ASPA: variants seen among roughly 807,000 people sequenced by gnomAD.
The protein encoded by ASPA is aspartoacylase.
A neutral mutation model predicts 29.6 loss-of-function variants in ASPA; 25 were observed. The observed-to-expected ratio is 0.85, with a 90% CI of 0.62 to 1.18. The LOEUF (loss-of-function observed/expected upper bound fraction) is 1.18, where lower values mean the gene tolerates loss of function less well. Ranked by LOEUF, ASPA falls within the 50% of genes most tolerant of loss-of-function variation. The pLI is 0.00. For synonymous variants in ASPA, 131 were observed against 130.3 expected, an observed-to-expected ratio of 1.01 and a Z score of -0.04; for missense variants, 333 against 385.7, an observed-to-expected ratio of 0.86 and a Z score of 1.14.
chr17:3,490,144 C>T lies in ASPA; in HGVS notation c.634+802C>T, dbSNP rs1314013159. On this transcript the variant is annotated intron_variant, in intron 4 of 5. Coordinates refer to ENST00000263080, the MANE Select transcript of ASPA (RefSeq NM_000049.4). The surrounding 1 kb of genome is among the most constrained non-coding windows in gnomAD (Gnocchi z 4.6). ...ACAGGGAAAGTCCTAGAAGAAAACA[C>T]ACCAAACTGATAACAATAGTTACCG... 6.6e-6 allele frequency among the ~76,000 whole-genome samples: 1 copy of T among 152,148 alleles called. No individual in the cohort carries two copies. The highest frequency in any genetic ancestry group is 2.4e-5 in the African/African-American group (1 of 41,424).
At chr17:3,494,562 T>C in intron 5 of ASPA, 103 bp downstream of exon 5, 2 of 948,678 alleles carry the variant, frequency 2.1e-6, no homozygotes, top group Non-Finnish European at 3.4e-6. Flanking sequence ...GCCCATTTGA[T>C]GCTCTCATTA....
chr17:3,496,813 TC>T (rs1360741832), intron 5 of ASPA, among the ~76,000 whole-genome samples: 2 of 152,190 alleles, frequency 1.3e-5, no homozygotes, highest in African/African-American at 4.8e-5. Context: ...ACGCCTGTAA[TC>T]CCAGCGCTTT....
intron 1 of ASPA, among the ~76,000 whole-genome samples, chr17:3,481,007 C>T (rs1219666493): frequency 6.6e-6 from 1 of 152,048 alleles, no homozygotes; most frequent in Non-Finnish European, 1.5e-5. Context: ...GTAGTTTCAG[C>T]AGCTACTCAG....
At position 3,500,796 on chromosome 17, in the gene ASPA, G is replaced by A. The variant is rs12943687; in HGVS notation, c.*1708G>A. 0.17 allele frequency: 26,426 copies of A among 152,246 alleles called. 2,573 individuals carry two copies. Among genetic ancestry groups the A allele is most frequent in the Middle Eastern group, 0.3 (89 of 294 alleles). The allele number at this position is 152,246 out of a possible 1,614,324, so 9.4% of individuals were successfully genotyped here. ...TGGGATTACAGGCATGAGCCACCAC[G>A]CCCGGCCCAAAAATCGTAGGACTCT... On this transcript the variant is annotated 3_prime_UTR_variant, in exon 6 of 6. Coordinates refer to ENST00000263080, the MANE Select transcript of ASPA (RefSeq NM_000049.4).
chr17:3,489,341 A>G lies in ASPA; in HGVS notation c.633A>G (p.Glu211=), dbSNP rs764104886. 1 of 1,591,454 alleles carries G rather than the reference A, an allele frequency of 6.3e-7. No individual in the cohort carries two copies. The highest frequency in any genetic ancestry group is 8.6e-7 in the Non-Finnish European group (1 of 1,159,626). Residue 211 remains glutamate, a splice_region_variant and synonymous_variant, in exon 4 of 6, where the codon GAA becomes GAG. Coordinates refer to ENST00000263080, the MANE Select transcript of ASPA (RefSeq NM_000049.4). ...TTGATTTTATACATCATTTCAATGA[A>G]GGTAAGTAATAATGAAGGTAACGTT... The part of the protein sequence containing the change: ...HALDFIHHFN[E]GKEFPPCAIE...
chr17:3,476,439 A>G lies in ASPA; in HGVS notation c.236+44A>G, dbSNP rs574201807. The G allele has an allele frequency of 5.1e-5, 81 of 1,574,564 alleles. No homozygotes were observed. The South Asian group carries it at 6.8e-4, about 13-fold the overall frequency. On this transcript the variant is annotated intron_variant, in intron 1 of 5. Coordinates refer to ENST00000263080, the MANE Select transcript of ASPA (RefSeq NM_000049.4). ...TTGTATATGTATGTATGTTGTGTGA[A>G]AAGTGGTAGGTGTGTGAAAGAGAAC...
At chr17:3,475,498 A>C (rs1003523953), upstream of ASPA, 24 of 152,400 alleles carry the variant, frequency 1.6e-4, no homozygotes, top group African/African-American at 5.3e-4. Context: ...GGGATGTTTC[A>C]GGGTAGCTTT....
At chr17:3,492,085 C>A in intron 4 of ASPA, among the ~76,000 whole-genome samples, 1 of 152,046 alleles carries the variant, frequency 6.6e-6, no homozygotes, top group East Asian at 1.9e-4. Flanking sequence ...CCACGTTGCC[C>A]AGGCTGGTCT....
Position 3,503,018 on chromosome 17 carries a change from T to A in ASPA, c.*3930T>A, listed in dbSNP as rs555586728. ...GCCCAAACCCCTTGCCTCCCATGAT[T>A]CTTCTCCTCAAAGGACCTTCTGCTG... On this transcript the variant is annotated 3_prime_UTR_variant, in exon 6 of 6. Transcript: ENST00000263080. The A allele has an allele frequency of 1.3e-5, 2 of 152,344 alleles. No homozygotes were observed. The highest frequency in any genetic ancestry group is 4.1e-4 in the South Asian group (2 of 4,824). 9.4% of individuals were successfully genotyped at this position (152,344 alleles called of 1,614,324 possible). A position where few individuals can be genotyped will look rare whatever the true frequency, so the allele number is the denominator to read the frequency against.
chr17:3,495,183 G>A (rs941502004), intron 5 of ASPA, among the ~76,000 whole-genome samples: 4 of 152,198 alleles, frequency 2.6e-5, no homozygotes, highest in African/African-American at 9.6e-5. Flanking sequence ...CAAAGCCAAA[G>A]TATCCATTCC....
intron 4 of ASPA, among the ~76,000 whole-genome samples, chr17:3,492,478 C>T (rs867742921): frequency 9.2e-5 from 14 of 152,168 alleles, no homozygotes; most frequent in South Asian, 2.1e-4. Flanking sequence ...CCCTTTCCCG[C>T]GTCCACATCC....
rs1457802163 is a variant in ASPA at position 3,476,239 on chromosome 17, G to T, written c.80G>T (p.Gly27Val). 1.2e-6 allele frequency: 2 copies of T among 1,614,172 alleles called. No homozygotes were observed. Among genetic ancestry groups the T allele is most frequent in the African/African-American group, 2.7e-5 (2 of 75,050 alleles). ...GGAACCCATGGGAATGAGCTAACCGGAGTATTTCTGGTTAAGCATTGGCTA... is the reference window on the plus strand; with the variant it reads ...GGAACCCATGGGAATGAGCTAACCGTAGTATTTCTGGTTAAGCATTGGCTA... ...FGGTHGNELT[G>V]VFLVKHWLEN... The change falls in exon 1 of 6, where the codon GGA (glycine) becomes GTA (valine). Residue 27 changes from glycine to valine, a missense_variant. Physicochemically the swap from Gly to Val is moderately radical, Grantham distance 109. Transcript: ENST00000263080.
Position 3,501,952 on chromosome 17 carries a change from CA to C in ASPA, c.*2886del, listed in dbSNP as rs35886989. ...TGGTGGACACAGCAAGCCTCCATCT[CA>C]AAAAAAAAAAAAAAAAAAAAATGAG... is the stretch of plus-strand genomic sequence containing the variant. On this transcript the variant is annotated 3_prime_UTR_variant, in exon 6 of 6. Transcript: ENST00000263080. The C allele has an allele frequency of 0.89, 130,858 of 147,380 alleles. 58,038 individuals are homozygous for C. Among genetic ancestry groups the C allele is most frequent in the Non-Finnish European group, 0.92 (61,616 of 67,164 alleles). 9.1% of individuals were successfully genotyped at this position (147,380 alleles called of 1,614,324 possible).
chr17:3,490,845 C>G lies in ASPA; in HGVS notation c.634+1503C>G, dbSNP rs1192829395. 6.6e-6 allele frequency among the ~76,000 whole-genome samples: 1 copy of G among 152,148 alleles called. No homozygotes were observed. The highest frequency in any genetic ancestry group is 1.5e-5 in the Non-Finnish European group (1 of 68,024). ...ATCACAACGGTGGAGAAAAGCAGTT[C>G]CTGGAACACCCCACCCCTTAACCCC... On this transcript the variant is annotated intron_variant, in intron 4 of 5. Coordinates refer to ENST00000263080, the MANE Select transcript of ASPA (RefSeq NM_000049.4). This position sits in a 1 kb window ranked among gnomAD's most constrained non-coding sequence, Gnocchi z 4.6.
At position 3,488,753 on chromosome 17, in the gene ASPA, T is replaced by C. The variant is rs913156201; in HGVS notation, c.527-482T>C. Among the ~76,000 whole-genome samples, 1 of 152,340 alleles carries C rather than the reference T, an allele frequency of 6.6e-6. No homozygotes were observed. ...CATTGCTCAAGGGTCACATAGATTG[T>C]CATATTGACTGAAATCCATGATTCA... On this transcript the variant is annotated intron_variant, in intron 3 of 5. Transcript: ENST00000263080. The surrounding 1 kb of genome is among the most constrained non-coding windows in gnomAD (Gnocchi z 6.1).
chr17:3,478,303 C>A (rs1052304583), intron 1 of ASPA, among the ~76,000 whole-genome samples: 7 of 152,168 alleles, frequency 4.6e-5, no homozygotes, highest in African/African-American at 1.7e-4. Context: ...TTAGTCTCAA[C>A]ACAGATCAAA....
chr17:3,498,827 T>C (rs1009128846), intron 5 of ASPA, 64 bp from the exon 6 acceptor site: 1 of 1,368,858 alleles, frequency 7.3e-7, no homozygotes, highest in Non-Finnish European at 9.7e-7. Context: ...GTCTAGAGTC[T>C]GACATAAATT....
rs1056846351 is a variant in ASPA, at chr17:3,477,319, T to C, written c.236+924T>C. Among the ~76,000 whole-genome samples, 4 of 152,354 alleles carry C rather than the reference T, an allele frequency of 2.6e-5. No homozygotes were observed. In the South Asian group the frequency reaches 6.2e-4, roughly 24 times the overall value. ...GAGCTTATATTTTGCTGATTTGTAA[T>C]ATATTGCATACAACGTAAGCAGTCA... On this transcript the variant is annotated intron_variant, in intron 1 of 5. Coordinates refer to ENST00000263080, the MANE Select transcript of ASPA (RefSeq NM_000049.4).
Position 3,489,234 on chromosome 17 carries a change from G to A in ASPA, c.527-1G>A. 6.3e-7 allele frequency: 1 copy of A among 1,588,058 alleles called. No homozygotes were observed. The highest frequency in any genetic ancestry group is 8.6e-7 in the Non-Finnish European group (1 of 1,157,932). ...GTGACTATCTCTCCTTCTGTACCTA[G>A]GTATAGAAGTTGGTCCTCAGCCTCA... On this transcript the variant is annotated splice_acceptor_variant, in intron 3 of 5. Transcript: ENST00000263080. LOFTEE classifies it high-confidence loss of function.
Sources: allele counts gnomAD v4.1 joint callset (sites outside exome capture counted in the v4.1 genomes callset), GRCh38; gene constraint gnomAD v4.1.1; non-coding constraint Gnocchi (gnomAD v3.1); transcripts MANE v1.5; gene names NCBI Gene and HGNC (gene_info 2026-07-23, HGNC 2026-07-21).